Variants in CARS2 observed in about 807,000 individuals in gnomAD.
CARS2 encodes the protein probable cysteine--tRNA ligase, mitochondrial.
A neutral mutation model predicts 68.8 loss-of-function variants in CARS2; 52 were observed. The ratio of observed to expected loss-of-function variants is 0.76; its 90% CI spans 0.61 to 0.95. The LOEUF (loss-of-function observed/expected upper bound fraction) is 0.95. Ranked by LOEUF, CARS2 falls within the 40% of genes least tolerant of loss-of-function variation. The pLI is 0.00. For missense variants in CARS2, 780 were observed against 754.2 expected (o/e 1.03, Z -0.40); for synonymous variants, 314 against 303.6 (o/e 1.03, Z -0.36).
chr13:110,699,313 A>G (rs1446383351), intron 3 of CARS2, among the ~76,000 whole-genome samples: 1 of 152,176 alleles, frequency 6.6e-6, no homozygotes, highest in Non-Finnish European at 1.5e-5. Context: ...CCACTGGACA[A>G]TCCACAGGTG....
intron 3 of CARS2, among the ~76,000 whole-genome samples, chr13:110,690,559 ACT>A (rs2063429104): frequency 6.6e-6 from 1 of 151,462 alleles, no homozygotes; most frequent in Non-Finnish European, 1.5e-5. Context: ...GGTGGCCTCT[ACT>A]CCCCCTTCCA....
In CARS2 at chr13:110,713,290, A is replaced by G. The variant is rs987487650; in HGVS notation, n.246T>C. ...CAGGGGCTGAGGAGCGAGTTGCGGT[A>G]GTTGCTGTGTACCATGGTCTCGGAG... On this transcript the variant is annotated non_coding_transcript_exon_variant, in exon 1 of 3. Coordinates refer to the CARS2 transcript ENST00000485188. 45 of 1,276,702 alleles carry G rather than the reference A, an allele frequency of 3.5e-5. 1 individual carries two copies. The highest frequency in any genetic ancestry group is 1.3e-4 in the South Asian group (6 of 45,290). 79.1% of individuals were successfully genotyped at this position (1,276,702 alleles called of 1,614,324 possible).
At chr13:110,644,795 TG>T (rs1566638536) in intron 12 of CARS2, 1 of 294,788 alleles carries the variant, frequency 3.4e-6, no homozygotes, top group Non-Finnish European at 6.6e-6. Context: ...GGAGGCTGAG[TG>T]GGCACTGGGC....
rs200368655 is a variant in CARS2, at chr13:110,641,505, G to A, written c.*32C>T. ...ACCCTGAGAAGCATGGGTGCGTCTT[G>A]TCGTGAGCAGGTTCATGGCTGTGCT... On this transcript the variant is annotated 3_prime_UTR_variant, in exon 15 of 15. Transcript: ENST00000257347. 8.6e-4 allele frequency: 1,350 copies of A among 1,564,264 alleles called. 2 individuals carry two copies. Among genetic ancestry groups the A allele is most frequent in the Middle Eastern group, 3.9e-3 (23 of 5,948 alleles).
At position 110,687,930 on chromosome 13, in the gene CARS2, C is replaced by T. The variant is rs1460353616; in HGVS notation, c.465+17G>A. 1 of 1,606,322 alleles carries T rather than the reference C, an allele frequency of 6.2e-7. No individual in the cohort carries two copies. Among genetic ancestry groups the T allele is most frequent in the Non-Finnish European group, 8.5e-7 (1 of 1,173,316 alleles). On this transcript the variant is annotated intron_variant, in intron 4 of 14. Coordinates refer to ENST00000257347, the MANE Select transcript of CARS2 (RefSeq NM_024537.4). ...CCTGTCACCCTCATGGCAGGAACAACCAGCCCCACACTTTACCTTCAGGGC... is the reference window on the plus strand; with the variant it reads ...CCTGTCACCCTCATGGCAGGAACAATCAGCCCCACACTTTACCTTCAGGGC...
intron 5 of CARS2, among the ~76,000 whole-genome samples, chr13:110,686,099 G>C (rs1032963140): frequency 6.6e-6 from 1 of 152,082 alleles, no homozygotes; most frequent in Non-Finnish European, 1.5e-5. Flanking sequence ...GGACAAGTGA[G>C]TATATTTAAT....
At chr13:110,645,100 C>G (rs981078490) in intron 12 of CARS2, 1 of 153,076 alleles carries the variant, frequency 6.5e-6, no homozygotes, top group Non-Finnish European at 1.5e-5. Context: ...AGCCTGGCTG[C>G]GGGACCTGCC....
At chr13:110,648,126 C>T (rs1320295241) in intron 10 of CARS2, among the ~76,000 whole-genome samples, 1 of 152,212 alleles carries the variant, frequency 6.6e-6, no homozygotes, top group African/African-American at 2.4e-5. Flanking sequence ...CAGTGAAAAC[C>T]TCCCCCAGGG....
intron 5 of CARS2, among the ~76,000 whole-genome samples, chr13:110,685,372 A>T (rs2063271156): frequency 6.6e-6 from 1 of 152,186 alleles, no homozygotes; most frequent in Non-Finnish European, 1.5e-5. Context: ...ACAAGTAAAA[A>T]GCTACTTCCA....
intron 3 of CARS2, among the ~76,000 whole-genome samples, chr13:110,694,930 C>T (rs1028001874): frequency 1.2e-4 from 19 of 152,118 alleles, no homozygotes; most frequent in African/African-American, 2.9e-4. Context: ...GCAGCACAGT[C>T]GGCTCTCTGT....
upstream of CARS2, among the ~76,000 whole-genome samples, chr13:110,711,467 G>T (rs551636365): frequency 2.9e-4 from 44 of 152,356 alleles, no homozygotes; most frequent in Non-Finnish European, 5.1e-4. Flanking sequence ...GCCCGCCTCG[G>T]CCTCCCAAAG....
intron 6 of CARS2, among the ~76,000 whole-genome samples, chr13:110,678,438 G>A (rs2063036969): frequency 6.6e-6 from 1 of 152,112 alleles, no homozygotes; most frequent in Admixed American, 6.6e-5. Context: ...CTTTCCACCC[G>A]GGAGCACTGA....
At chr13:110,658,232 T>A (rs993585467) in intron 9 of CARS2, among the ~76,000 whole-genome samples, 1 of 152,142 alleles carries the variant, frequency 6.6e-6, no homozygotes, top group Non-Finnish European at 1.5e-5. Flanking sequence ...GGAGCACAGG[T>A]GAATCTTGAG....
chr13:110,652,065 C>T (rs916099762), intron 9 of CARS2, among the ~76,000 whole-genome samples: 5 of 152,266 alleles, frequency 3.3e-5, no homozygotes, highest in Admixed American at 2.6e-4. Flanking sequence ...CCTGCCACCA[C>T]CTCAGAAGAC....
At chr13:110,644,730 C>T (rs2139675175) in intron 12 of CARS2, 1 of 517,618 alleles carries the variant, frequency 1.9e-6, no homozygotes, top group Non-Finnish European at 3.3e-6. Context: ...ACTAGCTCAT[C>T]AGGCTTCGCG....
At chr13:110,666,105 A>G in intron 8 of CARS2, 1 of 984,674 alleles carries the variant, frequency 1.0e-6, no homozygotes, top group Non-Finnish European at 1.2e-6. Context: ...CGGAAGAGAG[A>G]CCTCCTTCCC....
At chr13:110,709,379 C>G (rs1158430911), upstream of CARS2, among the ~76,000 whole-genome samples, 7 of 152,260 alleles carry the variant, frequency 4.6e-5, no homozygotes, top group East Asian at 1.9e-4. Flanking sequence ...CAGGCATGAG[C>G]CACCGTGCCC....
chr13:110,666,255 C>A (rs552880378), intron 8 of CARS2: 9 of 985,362 alleles, frequency 9.1e-6, no homozygotes, highest in Non-Finnish European at 1.1e-5. Context: ...GAAGTGAGGG[C>A]GGCAGGCGTT....
chr13:110,685,243 G>A (rs1166552587), intron 5 of CARS2, among the ~76,000 whole-genome samples: 1 of 152,032 alleles, frequency 6.6e-6, no homozygotes, highest in East Asian at 1.9e-4. Flanking sequence ...CCGGGAGGCG[G>A]AGGTTGCTGT....
Sources: gnomAD v4.1 joint callset for allele counts (sites outside exome capture counted in the v4.1 genomes callset) on GRCh38, gnomAD v4.1.1 for gene constraint, MANE v1.5 for transcripts, NCBI Gene and HGNC (gene_info 2026-07-23, HGNC 2026-07-21) for gene names.